Variants in PCDH9 observed in about 807,000 individuals in gnomAD.
The protein encoded by PCDH9 is protocadherin-9.
Under a neutral mutation model 70.6 loss-of-function variants are expected in PCDH9, and 24 were observed. That is an observed-to-expected ratio of 0.34 (90% CI 0.25 to 0.48). PCDH9 has a LOEUF of 0.48. PCDH9 is among the 20% of genes least tolerant of loss of function. PCDH9 has a pLI of 0.99. For synonymous variants in PCDH9, 562 were observed against 558.5 expected, an observed-to-expected ratio of 1.01 and a Z score of -0.09; for missense variants, 1,281 against 1,503.6, an observed-to-expected ratio of 0.85 and a Z score of 2.45.
intron 2 of PCDH9, among the ~76,000 whole-genome samples, chr13:66,933,919 G>A (rs528731877): frequency 3.5e-4 from 51 of 146,634 alleles, no homozygotes; most frequent in African/African-American, 1.2e-3. Flanking sequence ...GGGGCGGGGG[G>A]GCAAAAAAGA....
intron 4 of PCDH9, among the ~76,000 whole-genome samples, chr13:66,358,887 C>T (rs886758027): frequency 2.6e-5 from 4 of 151,846 alleles, no homozygotes; most frequent in Non-Finnish European, 4.4e-5. Flanking sequence ...TAAATGCTAC[C>T]AACTTTGATT....
At chr13:66,363,144 A>C (rs1956499443) in intron 4 of PCDH9, among the ~76,000 whole-genome samples, 2 of 152,206 alleles carry the variant, frequency 1.3e-5, no homozygotes, top group Admixed American at 1.3e-4. Flanking sequence ...GCACCACTGC[A>C]CTCCAGCCTG....
intron 4 of PCDH9, among the ~76,000 whole-genome samples, chr13:66,459,523 T>C (rs956382780): frequency 6.6e-6 from 1 of 151,882 alleles, no homozygotes; most frequent in African/African-American, 2.4e-5. Flanking sequence ...GAGGGTATAT[T>C]CATTGATGTA....
Position 66,798,818 on chromosome 13 carries a change from T to G in PCDH9, c.3138+104686A>C, listed in dbSNP as rs202026620. On this transcript the variant is annotated intron_variant, in intron 3 of 4. Transcript: ENST00000377865. The stretch of plus-strand genomic sequence containing the variant: ...ATATGATGCTTATTCCTGTTCCTCG[T>G]TTTTTTTTTCTTTTTGAGACACAGT... Among the ~76,000 whole-genome samples, 7 of 9,112 alleles carry G rather than the reference T, an allele frequency of 7.7e-4. No individual in the cohort carries two copies. In the Non-Finnish European group the frequency reaches 0.23, roughly 296 times the overall value. 6.0% of individuals were successfully genotyped at this position (9,112 alleles called of 152,430 possible).
At chr13:66,818,083 A>G (rs572388734) in intron 3 of PCDH9, among the ~76,000 whole-genome samples, 1 of 152,314 alleles carries the variant, frequency 6.6e-6, no homozygotes, top group South Asian at 2.1e-4. Flanking sequence ...GACAGTTTTA[A>G]TTGGCTTTCT....
At chr13:67,017,785 C>T (rs2084591523) in intron 2 of PCDH9, among the ~76,000 whole-genome samples, 2 of 151,982 alleles carry the variant, frequency 1.3e-5, no homozygotes, top group South Asian at 2.1e-4. Context: ...AAATAGTGCA[C>T]ATAAATTTAT....
Position 67,227,642 on chromosome 13 carries a change from C to A in PCDH9, c.799G>T (p.Val267Leu), listed in dbSNP as rs567809264. The A allele has an allele frequency of 7.4e-6, 12 of 1,612,962 alleles. No individual in the cohort carries two copies. The highest frequency in any genetic ancestry group is 1.0e-5 in the Non-Finnish European group (12 of 1,178,980). ...VEVHIPENAP[V>L]GTSVIQLHAT... ...TGGAGCTGAATTACAGAGGTACCTACGGGAGCATTCTCTGGAATATGCACC... is the reference window on the plus strand; with the variant it reads ...TGGAGCTGAATTACAGAGGTACCTAAGGGAGCATTCTCTGGAATATGCACC... Residue 267 changes from valine (V) to leucine (L), a missense_variant, in exon 2 of 5, where the codon GTA (valine) becomes TTA (leucine). Val to Leu is a conservative substitution (Grantham distance 32, BLOSUM62 1). Around this residue, in one of 4 missense-constraint regions of PCDH9, gnomAD observed 798 missense variants for 1,003.1 expected, o/e 0.80. Coordinates refer to ENST00000377865, the MANE Select transcript of PCDH9 (RefSeq NM_203487.3). This position sits in a 1 kb window ranked among gnomAD's most constrained non-coding sequence, Gnocchi z 4.6.
At chr13:66,377,419 A>G (rs111991290) in intron 4 of PCDH9, among the ~76,000 whole-genome samples, 1,580 of 152,286 alleles carry the variant, frequency 0.01, 30 homozygotes, top group African/African-American at 0.036. Context: ...CAACCATGGT[A>G]GGAATGTTTT....
At chr13:66,903,879 TA>T (rs2082316682) in intron 2 of PCDH9, among the ~76,000 whole-genome samples, 1 of 152,072 alleles carries the variant, frequency 6.6e-6, no homozygotes, top group South Asian at 2.1e-4. Context: ...ATTTATTTAT[TA>T]CATTTATGAC....
intron 4 of PCDH9, among the ~76,000 whole-genome samples, chr13:66,433,296 G>T (rs537875301): frequency 2.6e-5 from 4 of 151,720 alleles, no homozygotes; most frequent in Admixed American, 6.6e-5. Flanking sequence ...TCAAAATTTT[G>T]TATTTAGGAT....
intron 2 of PCDH9, among the ~76,000 whole-genome samples, chr13:67,148,049 A>C (rs1158258088): frequency 6.6e-6 from 1 of 152,158 alleles, no homozygotes; most frequent in African/African-American, 2.4e-5. Flanking sequence ...TTTCTTCTGA[A>C]AGGCTTCTTA....
chr13:66,659,760 C>T (rs1394523872), intron 3 of PCDH9, among the ~76,000 whole-genome samples: 1 of 151,606 alleles, frequency 6.6e-6, no homozygotes, highest in Non-Finnish European at 1.5e-5. Flanking sequence ...CTCAACTTAA[C>T]TCCACCCATT....
chr13:66,781,329 A>C lies in PCDH9; in HGVS notation c.3138+122175T>G, dbSNP rs368343448. Among the ~76,000 whole-genome samples, 10 of 152,224 alleles carry C rather than the reference A, an allele frequency of 6.6e-5. No homozygotes were observed. The East Asian group carries it at 1.9e-3, about 29-fold the overall frequency. On this transcript the variant is annotated intron_variant, in intron 3 of 4. Transcript: ENST00000377865. ...AACTGTACTAGGATTCACCTCTTGC[A>C]GGGCAAAGTCAAAACATGGATTTAA...
intron 2 of PCDH9, among the ~76,000 whole-genome samples, chr13:66,923,118 T>C (rs982921799): frequency 1.3e-5 from 2 of 151,532 alleles, no homozygotes; most frequent in African/African-American, 4.8e-5. Context: ...ACTAAATACT[T>C]GGTGAGTATA....
chr13:66,779,728 G>T (rs1014841402), intron 3 of PCDH9, among the ~76,000 whole-genome samples: 1 of 151,458 alleles, frequency 6.6e-6, no homozygotes, highest in Non-Finnish European at 1.5e-5. Flanking sequence ...GGCTGAGGCA[G>T]GAGAATCACT....
chr13:66,778,316 ATCT>A, intron 3 of PCDH9, among the ~76,000 whole-genome samples: 1 of 152,142 alleles, frequency 6.6e-6, no homozygotes, highest in East Asian at 1.9e-4. Context: ...CTGCTCTTTA[ATCT>A]TCTACTGAAA....
intron 4 of PCDH9, among the ~76,000 whole-genome samples, chr13:66,334,745 G>C (rs1372662022): frequency 6.6e-6 from 1 of 151,820 alleles, no homozygotes; most frequent in African/African-American, 2.4e-5. Flanking sequence ...CTTATTGGTG[G>C]AATATTGGTG....
At chr13:66,992,747 C>CA (rs1323478825) in intron 2 of PCDH9, among the ~76,000 whole-genome samples, 1 of 151,892 alleles carries the variant, frequency 6.6e-6, no homozygotes, top group African/African-American at 2.4e-5. Flanking sequence ...CCTTAGAAGA[C>CA]AAAAAATAGC....
intron 4 of PCDH9, among the ~76,000 whole-genome samples, chr13:66,329,254 A>G (rs1182687334): frequency 6.6e-6 from 1 of 152,208 alleles, no homozygotes; most frequent in Non-Finnish European, 1.5e-5. Flanking sequence ...ACAGTTGCCT[A>G]TATGACTGTG....
Sources: gnomAD v4.1 joint callset for allele counts (sites outside exome capture counted in the v4.1 genomes callset) on GRCh38, gnomAD v4.1.1 for gene constraint, gnomAD v4.1.1 regional missense constraint, Gnocchi (gnomAD v3.1) non-coding constraint, MANE v1.5 for transcripts, NCBI Gene and HGNC (gene_info 2026-07-23, HGNC 2026-07-21) for gene names.